The following C10orf67 variants were observed in gnomAD, a reference collection of about 807,000 sequenced individuals.
C10orf67 encodes the protein chromosome 10 open reading frame 67.
C10orf67 carries 60 observed loss-of-function variants against 35.6 expected under a neutral mutation model. The ratio of observed to expected loss-of-function variants is 1.68; its 90% CI spans 1.37 to 2.09. The LOEUF is 2.09. Ranked by LOEUF, C10orf67 falls within the 30% of genes most tolerant of loss-of-function variation. The pLI is 0.00. For missense variants in C10orf67, 474 were observed against 330.2 expected, an observed-to-expected ratio of 1.44 and a Z score of -3.38; for synonymous variants, 167 against 115.8, an observed-to-expected ratio of 1.44 and a Z score of -2.84.
chr10:23,281,163 A>G (rs1843353422), intron 8 of C10orf67, among the ~76,000 whole-genome samples: 2 of 152,170 alleles, frequency 1.3e-5, no homozygotes. Flanking sequence ...AGAAGGCTTT[A>G]TTGTAATCCA....
intron 5 of C10orf67, among the ~76,000 whole-genome samples, chr10:23,298,849 A>G (rs1843976387): frequency 6.6e-6 from 1 of 152,208 alleles, no homozygotes; most frequent in Non-Finnish European, 1.5e-5. Context: ...AAAGTAAATC[A>G]TCCATGTACC....
intron 5 of C10orf67, among the ~76,000 whole-genome samples, chr10:23,300,929 A>C (rs745609576): frequency 2.6e-5 from 4 of 152,240 alleles, no homozygotes; most frequent in Non-Finnish European, 4.4e-5. Flanking sequence ...TTAGTGTCTG[A>C]TTTAGCAGTA....
Position 23,322,451 on chromosome 10 carries a change from C to CA in C10orf67, c.413dup (p.Leu138PhefsTer9). On this transcript the variant is annotated frameshift_variant, in exon 3 of 16. Coordinates refer to ENST00000636213, the MANE Select transcript of C10orf67 (RefSeq NM_001371909.1). LOFTEE classifies it high-confidence loss of function. ...TGTCATGCAGAATGGTGAAGAGACTCAAAGATTCCTCTTTCAGTCGGTCCT... is the reference window on the plus strand; with the variant it reads ...TGTCATGCAGAATGGTGAAGAGACTCAAAAGATTCCTCTTTCAGTCGGTCCT... The CA allele has an allele frequency of 6.2e-7, 1 of 1,609,226 alleles. No homozygotes were observed. Among genetic ancestry groups the CA allele is most frequent in the South Asian group, 1.1e-5 (1 of 90,966 alleles).
At chr10:23,259,675 G>T (rs1328329212) in intron 10 of C10orf67, among the ~76,000 whole-genome samples, 2 of 152,060 alleles carry the variant, frequency 1.3e-5, no homozygotes, top group African/African-American at 4.8e-5. Flanking sequence ...CACTATGCAT[G>T]ATAAACAATA....
At chr10:23,251,994 C>T (rs936131564) in intron 10 of C10orf67, among the ~76,000 whole-genome samples, 11 of 152,096 alleles carry the variant, frequency 7.2e-5, no homozygotes, top group African/African-American at 2.2e-4. Flanking sequence ...ACAATGGCAG[C>T]CCATTGAAAA....
intron 2 of C10orf67, among the ~76,000 whole-genome samples, chr10:23,323,591 C>T (rs1033935045): frequency 6.6e-6 from 1 of 151,886 alleles, no homozygotes; most frequent in Non-Finnish European, 1.5e-5. Flanking sequence ...TCCTACATCG[C>T]TACAAATACA....
chr10:23,304,656 C>T (rs1282304651), intron 4 of C10orf67, among the ~76,000 whole-genome samples: 2 of 152,086 alleles, frequency 1.3e-5, no homozygotes, highest in Non-Finnish European at 2.9e-5. Context: ...CATGAAGCAG[C>T]CCTGTAATTC....
At chr10:23,309,080 G>A (rs76650695) in intron 4 of C10orf67, among the ~76,000 whole-genome samples, 407 of 152,090 alleles carry the variant, frequency 2.7e-3, no homozygotes, top group African/African-American at 4.7e-3. Flanking sequence ...AGATACCTGC[G>A]CTTATATGTT....
chr10:23,275,859 C>T (rs1210178892), intron 8 of C10orf67, among the ~76,000 whole-genome samples: 2 of 152,166 alleles, frequency 1.3e-5, no homozygotes, highest in East Asian at 3.8e-4. Context: ...ACTTTGAATG[C>T]TAGCTCACTT....
At chr10:23,325,373 C>T (rs1845145602) in intron 2 of C10orf67, among the ~76,000 whole-genome samples, 1 of 151,516 alleles carries the variant, frequency 6.6e-6, no homozygotes, top group Non-Finnish European at 1.5e-5. Context: ...ATGAAACCTA[C>T]CTCTGAACAA....
rs1260139194 is a variant in C10orf67, at chr10:23,344,598, G to T, written c.177C>A (p.Phe59Leu). ...CARRKREARE[F>L]KPPQMRGSTR... is the part of the protein sequence containing the mutation. ...TGGACCCGCGCATTTGCGGGGGCTT[G>T]AATTCCCGAGCTTCTCGCTTCCTAC... The change falls in exon 1 of 16, where the codon TTC (phenylalanine) becomes TTA (leucine). Residue 59 changes from phenylalanine (F) to leucine (L), a missense_variant. Phe to Leu is a conservative substitution (Grantham distance 22). Coordinates refer to ENST00000636213, the MANE Select transcript of C10orf67 (RefSeq NM_001371909.1). The T allele has an allele frequency of 1.9e-6, 3 of 1,580,518 alleles. No homozygotes were observed. Among genetic ancestry groups the T allele is most frequent in the African/African-American group, 2.7e-5 (2 of 74,140 alleles).
intron 15 of C10orf67, among the ~76,000 whole-genome samples, chr10:23,220,622 C>T (rs1841550643): frequency 6.6e-6 from 1 of 152,182 alleles, no homozygotes; most frequent in Admixed American, 6.5e-5. Flanking sequence ...TTAGCCTACA[C>T]TGGATTTGAA....
chr10:23,259,327 T>A (rs1564476002), intron 10 of C10orf67, among the ~76,000 whole-genome samples: 2 of 152,222 alleles, frequency 1.3e-5, no homozygotes, highest in Non-Finnish European at 2.9e-5. Context: ...AAGTGGTTCT[T>A]ATTTAGAGTT....
chr10:23,225,583 A>G (rs555092603), intron 13 of C10orf67, among the ~76,000 whole-genome samples: 2 of 152,282 alleles, frequency 1.3e-5, no homozygotes, highest in African/African-American at 4.8e-5. Flanking sequence ...GCAAATTGGA[A>G]AAAGAGTCAA....
At chr10:23,233,334 T>C (rs1365005197) in intron 13 of C10orf67, among the ~76,000 whole-genome samples, 2 of 152,190 alleles carry the variant, frequency 1.3e-5, no homozygotes, top group East Asian at 3.9e-4. Context: ...ATGGGGAAGG[T>C]GGGCTAATTA....
chr10:23,223,079 AT>A (rs35185795), intron 15 of C10orf67, among the ~76,000 whole-genome samples: 30 of 149,708 alleles, frequency 2.0e-4, no homozygotes, highest in East Asian at 5.9e-4. Flanking sequence ...AAGTATAACT[AT>A]TTTTTTTTTT....
At chr10:23,258,123 T>C (rs955250986) in intron 10 of C10orf67, 4 of 152,458 alleles carry the variant, frequency 2.6e-5, no homozygotes, top group Non-Finnish European at 2.9e-5. Context: ...CCATGTGGCC[T>C]CTGGCATCCC....
At chr10:23,304,222 C>G (rs746226039) in intron 4 of C10orf67, among the ~76,000 whole-genome samples, 1 of 152,130 alleles carries the variant, frequency 6.6e-6, no homozygotes, top group Non-Finnish European at 1.5e-5. Flanking sequence ...CTCAGTCTCA[C>G]AGCAGATCTT....
intron 15 of C10orf67, among the ~76,000 whole-genome samples, chr10:23,204,783 T>A (rs554812300): frequency 6.6e-6 from 1 of 152,278 alleles, no homozygotes; most frequent in South Asian, 2.1e-4. Context: ...CCCCACCCCC[T>A]AACCTCAACG....
Sources: allele counts gnomAD v4.1 joint callset (sites outside exome capture counted in the v4.1 genomes callset), GRCh38; gene constraint gnomAD v4.1.1; transcripts MANE v1.5; gene names NCBI Gene and HGNC (gene_info 2026-07-23, HGNC 2026-07-21).